The following KCNIP1 variants were observed in gnomAD, a reference collection of about 807,000 sequenced individuals.
KCNIP1 encodes the protein potassium voltage-gated channel interacting protein 1.
A neutral mutation model predicts 33.0 loss-of-function variants in KCNIP1; 18 were observed. The observed-to-expected ratio is 0.55, with a 90% CI of 0.38 to 0.81. The LOEUF is 0.81. Ranked by LOEUF, KCNIP1 falls within the 30% of genes least tolerant of loss-of-function variation. The pLI, the probability that KCNIP1 is intolerant of heterozygous loss-of-function variation, is 0.00. For synonymous variants in KCNIP1, 93 were observed against 98.3 expected (o/e 0.95, Z 0.32); for missense variants, 238 against 271.6 (o/e 0.88, Z 0.87).
intron 1 of KCNIP1, among the ~76,000 whole-genome samples, chr5:170,649,962 A>G (rs1335774851): frequency 6.6e-6 from 1 of 152,190 alleles, no homozygotes; most frequent in Admixed American, 6.5e-5. Context: ...AAGAGCCAGG[A>G]AAGAGAGCCA....
At chr5:170,679,626 A>AGTGTGTGTGT (rs58712710) in intron 1 of KCNIP1, among the ~76,000 whole-genome samples, 3,603 of 144,438 alleles carry the variant, frequency 0.025, 73 homozygotes, top group African/African-American at 0.046. Flanking sequence ...TGTATATGAC[A>AGTGTGTGTGT]GTGTGTGTGT....
rs190928137 is a variant in KCNIP1 at position 170,644,042 on chromosome 5, G to C, written c.62-74716G>C. ...CACCAGTGCAAACCTTTCCCAGATA[G>C]TGCTGACCCGAAGCAGGAACCAGTG... On this transcript the variant is annotated intron_variant, in intron 1 of 7. Coordinates refer to ENST00000328939, the MANE Select transcript of KCNIP1 (RefSeq NM_014592.4). Among the ~76,000 whole-genome samples, 13 of 152,344 alleles carry C rather than the reference G, an allele frequency of 8.5e-5. No homozygotes were observed. In the East Asian group the frequency reaches 2.5e-3, roughly 29 times the overall value.
chr5:170,734,009 C>T, intron 7 of KCNIP1, 111 bp downstream of exon 7: 1 of 749,322 alleles, frequency 1.3e-6, no homozygotes, highest in Non-Finnish European at 2.2e-6. Flanking sequence ...TGCAACCCCT[C>T]CCATCAGAGC....
intron 1 of KCNIP1, among the ~76,000 whole-genome samples, chr5:170,515,935 G>T (rs1197455975): frequency 6.6e-6 from 1 of 152,222 alleles, no homozygotes; most frequent in Non-Finnish European, 1.5e-5. Flanking sequence ...AAGAATGTAG[G>T]TTAGTGAAGT....
intron 1 of KCNIP1, among the ~76,000 whole-genome samples, chr5:170,675,240 A>G (rs1053082692): frequency 6.6e-6 from 1 of 151,970 alleles, no homozygotes; most frequent in African/African-American, 2.4e-5. Flanking sequence ...CTGAGGCTGC[A>G]GTGAACCATG....
At chr5:170,563,054 G>A (rs1008157408) in intron 1 of KCNIP1, among the ~76,000 whole-genome samples, 27 of 152,160 alleles carry the variant, frequency 1.8e-4, no homozygotes, top group Non-Finnish European at 1.9e-4. Flanking sequence ...CCCCTCGTAC[G>A]CTGCCCTTTC....
rs115901468 is a variant in KCNIP1 at position 170,529,873 on chromosome 5, C to T, written c.61+25240C>T. 2.6e-3 allele frequency among the ~76,000 whole-genome samples: 403 copies of T among 152,286 alleles called. 3 individuals are homozygous for T. Among genetic ancestry groups the T allele is most frequent in the African/African-American group, 9.3e-3 (387 of 41,546 alleles). On this transcript the variant is annotated intron_variant, in intron 1 of 7. Transcript: ENST00000328939. ...AGCCATCAAGCAATATGGTCTTCCC[C>T]GAGAATGTCTCCCCACTTCACCCTT... is the stretch of plus-strand genomic sequence containing the variant.
chr5:170,394,241 G>C (rs542389376), intron 1 of KCNIP1, among the ~76,000 whole-genome samples: 1 of 152,262 alleles, frequency 6.6e-6, no homozygotes, highest in East Asian at 1.9e-4. Context: ...TGGGCCAGGC[G>C]GAAGCTCTGC....
chr5:170,728,377 A>T (rs983070854), intron 5 of KCNIP1, among the ~76,000 whole-genome samples: 6 of 152,248 alleles, frequency 3.9e-5, no homozygotes, highest in Non-Finnish European at 8.8e-5. Context: ...ATGCGATCTA[A>T]ATAGGAAAAA....
At chr5:170,398,682 A>G (rs1746789336) in intron 1 of KCNIP1, among the ~76,000 whole-genome samples, 1 of 152,230 alleles carries the variant, frequency 6.6e-6, no homozygotes, top group African/African-American at 2.4e-5. Flanking sequence ...CTCTGGCAAG[A>G]TTCAGAGGCC....
intron 1 of KCNIP1, among the ~76,000 whole-genome samples, chr5:170,370,177 C>T (rs1292720621): frequency 5.3e-5 from 8 of 152,096 alleles, no homozygotes; most frequent in East Asian, 1.9e-4. Flanking sequence ...AAGAAAAAGA[C>T]GGCAGGAGGT....
intron 1 of KCNIP1, among the ~76,000 whole-genome samples, chr5:170,571,663 C>T (rs549443685): frequency 6.6e-6 from 1 of 152,308 alleles, no homozygotes; most frequent in African/African-American, 2.4e-5. Flanking sequence ...CCATCTGACT[C>T]ACCACAGTCC....
At chr5:170,390,037 A>G (rs314131) in intron 1 of KCNIP1, among the ~76,000 whole-genome samples, 137,915 of 152,222 alleles carry the variant, frequency 0.91, 62,770 homozygotes, top group African/African-American at 0.96. Flanking sequence ...AGAGCTCCAC[A>G]ACTGCTTCCA....
intron 1 of KCNIP1, among the ~76,000 whole-genome samples, chr5:170,417,577 G>A (rs1218703595): frequency 6.6e-6 from 1 of 152,124 alleles, no homozygotes; most frequent in African/African-American, 2.4e-5. Context: ...CCCTCCCAAG[G>A]CATCTGACCC....
intron 1 of KCNIP1, among the ~76,000 whole-genome samples, chr5:170,552,194 C>T (rs989448834): frequency 2.6e-5 from 4 of 152,146 alleles, no homozygotes; most frequent in Non-Finnish European, 5.9e-5. Context: ...GAGGACCAGG[C>T]CACATCTCTT....
At chr5:170,377,803 A>C (rs1764069445) in intron 1 of KCNIP1, 1 of 152,076 alleles carries the variant, frequency 6.6e-6, no homozygotes, top group Non-Finnish European at 1.5e-5. Flanking sequence ...TGATCTCCTG[A>C]CCTCGTGATC....
intron 1 of KCNIP1, among the ~76,000 whole-genome samples, chr5:170,643,257 C>T (rs967282572): frequency 6.6e-6 from 1 of 152,262 alleles, no homozygotes; most frequent in Non-Finnish European, 1.5e-5. Flanking sequence ...CTGTGAGCTT[C>T]CCCAGGAAAC....
At chr5:170,367,421 G>GAAAGAAAGAAAGAAAGGAAA (rs1554086776) in intron 1 of KCNIP1, among the ~76,000 whole-genome samples, 3 of 74,732 alleles carry the variant, frequency 4.0e-5, no homozygotes, top group Admixed American at 1.5e-4. Context: ...AAGAAAGAAA[G>GAAAGAAAGAAAGAAAGGAAA]GAAAGAAAGA....
chr5:170,449,515 C>T (rs1413416476), intron 1 of KCNIP1, among the ~76,000 whole-genome samples: 1 of 152,234 alleles, frequency 6.6e-6, no homozygotes, highest in African/African-American at 2.4e-5. Flanking sequence ...GTAGGTTGAA[C>T]TCCTGCCCCA....
Sources: allele counts gnomAD v4.1 joint callset (sites outside exome capture counted in the v4.1 genomes callset), GRCh38; gene constraint gnomAD v4.1.1; transcripts MANE v1.5; gene names NCBI Gene and HGNC (gene_info 2026-07-23, HGNC 2026-07-21).